The following VPS13B variants were observed in gnomAD, a reference collection of about 807,000 sequenced individuals.
VPS13B encodes the protein intermembrane lipid transfer protein VPS13B.
Under a neutral mutation model 426.4 loss-of-function variants are expected in VPS13B, and 285 were observed. That is an observed-to-expected ratio of 0.67 (90% CI 0.61 to 0.74). The LOEUF (loss-of-function observed/expected upper bound fraction) is 0.74. VPS13B is among the 30% of genes least tolerant of loss of function. The probability of loss-of-function intolerance (pLI) is 0.00; values close to 1 mark genes in which losing one functional copy is unlikely to be tolerated. For missense variants in VPS13B, 4,537 were observed against 4,782.6 expected (o/e 0.95, Z 1.51); for synonymous variants, 1,676 against 1,676.4 (o/e 1.00, Z 0.01).
intron 58 of VPS13B, among the ~76,000 whole-genome samples, chr8:99,866,095 A>G (rs1252003719): frequency 6.6e-6 from 1 of 152,244 alleles, no homozygotes; most frequent in East Asian, 1.9e-4. Flanking sequence ...TGGCTTCATC[A>G]GATCACAGCC....
intron 2 of VPS13B, among the ~76,000 whole-genome samples, chr8:99,027,388 G>A (rs1842196229): frequency 6.6e-6 from 1 of 151,120 alleles, no homozygotes; most frequent in African/African-American, 2.4e-5. Flanking sequence ...CAGTTTGGTG[G>A]TTTCTGTGGT....
chr8:99,777,323 CT>C (rs1811791197), intron 41 of VPS13B, among the ~76,000 whole-genome samples: 1 of 152,148 alleles, frequency 6.6e-6, no homozygotes, highest in East Asian at 1.9e-4. Flanking sequence ...ATTTAATGGA[CT>C]TACAGTTCCA....
chr8:99,236,273 A>T (rs947627780), intron 17 of VPS13B, among the ~76,000 whole-genome samples: 1 of 151,504 alleles, frequency 6.6e-6, no homozygotes, highest in Non-Finnish European at 1.5e-5. Context: ...TTTTAAAGAC[A>T]GAATCTTGCT....
intron 21 of VPS13B, 99 bp downstream of exon 21, chr8:99,391,803 A>G (rs1814462944): frequency 6.9e-7 from 1 of 1,449,282 alleles, no homozygotes; most frequent in Non-Finnish European, 9.5e-7. Context: ...AAGACATGAG[A>G]CTCATTGAGT....
chr8:99,256,940 A>C (rs371937662), intron 17 of VPS13B, among the ~76,000 whole-genome samples: 6 of 152,094 alleles, frequency 3.9e-5, no homozygotes, highest in African/African-American at 1.4e-4. Context: ...TGTGAATTTC[A>C]TGAGAGAAGA....
At chr8:99,522,093 C>T (rs76406675) in intron 30 of VPS13B, among the ~76,000 whole-genome samples, 2,926 of 152,148 alleles carry the variant, frequency 0.019, 45 homozygotes, top group Middle Eastern at 0.061. Flanking sequence ...AACTGAATAA[C>T]CAAAAGAATA....
At chr8:99,695,818 A>C (rs563992091) in intron 35 of VPS13B, 4 of 152,204 alleles carry the variant, frequency 2.6e-5, no homozygotes, top group African/African-American at 9.6e-5. Context: ...CCAGGAGCGA[A>C]GCCAAAGATC....
At chr8:99,478,523 C>T (rs1403962760) in intron 24 of VPS13B, among the ~76,000 whole-genome samples, 1 of 127,706 alleles carries the variant, frequency 7.8e-6, no homozygotes, top group Non-Finnish European at 1.6e-5. Context: ...TCTCGGCTAA[C>T]TGCAGCCTCC....
chr8:99,420,581 T>C (rs2133379459), intron 21 of VPS13B, among the ~76,000 whole-genome samples: 1 of 152,316 alleles, frequency 6.6e-6, no homozygotes, highest in South Asian at 2.1e-4. Context: ...ATATAAAGAT[T>C]ATTTCTCATT....
intron 33 of VPS13B, among the ~76,000 whole-genome samples, chr8:99,617,401 T>C (rs1229095864): frequency 6.6e-6 from 1 of 152,208 alleles, no homozygotes; most frequent in Non-Finnish European, 1.5e-5. Context: ...CCATCTTGGC[T>C]CACTGCAACC....
intron 33 of VPS13B, among the ~76,000 whole-genome samples, chr8:99,588,900 A>G (rs1328925964): frequency 4.6e-5 from 7 of 151,750 alleles, no homozygotes; most frequent in Non-Finnish European, 8.8e-5. Context: ...CTGGTTTTCA[A>G]AGGAAATGCT....
chr8:99,599,632 T>C (rs1827191087), intron 33 of VPS13B, among the ~76,000 whole-genome samples: 2 of 152,116 alleles, frequency 1.3e-5, no homozygotes, highest in Admixed American at 6.6e-5. Context: ...TAAGAAAAAT[T>C]AACATTAGAG....
At chr8:99,586,692 A>G (rs183974435) in intron 33 of VPS13B, among the ~76,000 whole-genome samples, 27 of 152,312 alleles carry the variant, frequency 1.8e-4, no homozygotes, top group African/African-American at 6.0e-4. Flanking sequence ...GTGCTTTACA[A>G]CAAATGAAGA....
chr8:99,683,428 G>A (rs906428701), intron 35 of VPS13B, among the ~76,000 whole-genome samples: 7 of 151,974 alleles, frequency 4.6e-5, no homozygotes, highest in African/African-American at 1.7e-4. Context: ...CTACAGATCT[G>A]GGAGAAACTG....
chr8:99,562,025 A>C (rs542941865), intron 31 of VPS13B, among the ~76,000 whole-genome samples: 1 of 152,308 alleles, frequency 6.6e-6, no homozygotes, highest in South Asian at 2.1e-4. Context: ...ACCATTTTGT[A>C]TTCCCACCAG....
intron 30 of VPS13B, among the ~76,000 whole-genome samples, chr8:99,547,246 A>T (rs1824033443): frequency 1.3e-5 from 2 of 152,038 alleles, no homozygotes; most frequent in Non-Finnish European, 2.9e-5. Context: ...ATTCTTCTGC[A>T]CTCTGAAGAT....
At chr8:99,070,486 A>T (rs1173485755) in intron 3 of VPS13B, among the ~76,000 whole-genome samples, 1 of 152,250 alleles carries the variant, frequency 6.6e-6, no homozygotes, top group African/African-American at 2.4e-5. Flanking sequence ...CTTGAGATTA[A>T]GTATTTGACT....
intron 33 of VPS13B, among the ~76,000 whole-genome samples, chr8:99,626,033 A>G (rs1303176660): frequency 6.6e-6 from 1 of 152,234 alleles, no homozygotes; most frequent in African/African-American, 2.4e-5. Context: ...CACAAAATGA[A>G]TCAGACCTAA....
At chr8:99,259,992 A>G (rs1277424768) in intron 17 of VPS13B, among the ~76,000 whole-genome samples, 2 of 152,046 alleles carry the variant, frequency 1.3e-5, no homozygotes, top group African/African-American at 2.4e-5. Flanking sequence ...GAAGTAAAAG[A>G]TGGAATTCAA....
Sources: gnomAD v4.1 joint callset for allele counts (sites outside exome capture counted in the v4.1 genomes callset) on GRCh38, gnomAD v4.1.1 for gene constraint, MANE v1.5 for transcripts, NCBI Gene and HGNC (gene_info 2026-07-23, HGNC 2026-07-21) for gene names.